The following COL17A1 variants were observed in gnomAD, a reference collection of about 807,000 sequenced individuals.
COL17A1 encodes the protein collagen alpha-1(XVII) chain.
Under a neutral mutation model 218.4 loss-of-function variants are expected in COL17A1, and 181 were observed. The observed-to-expected ratio is 0.83, with a 90% CI of 0.73 to 0.94. The LOEUF is 0.94. COL17A1 is among the 40% of genes least tolerant of loss of function. The pLI is 0.00. For synonymous variants in COL17A1, 721 were observed against 731.0 expected, an observed-to-expected ratio of 0.99 and a Z score of 0.22; for missense variants, 1,924 against 1,945.9, an observed-to-expected ratio of 0.99 and a Z score of 0.21.
At chr10:104,042,059 CG>C (rs879364809) in intron 36 of COL17A1, among the ~76,000 whole-genome samples, 1 of 152,150 alleles carries the variant, frequency 6.6e-6, no homozygotes, top group Admixed American at 6.5e-5. Context: ...GTGGGAGGCC[CG>C]GCAGTCTCCA....
rs1295957061 is a variant in COL17A1, at chr10:104,033,942, T to TA, written c.4156+2dup. 6.2e-6 allele frequency: 10 copies of TA among 1,614,058 alleles called. No homozygotes were observed. Among genetic ancestry groups the TA allele is most frequent in the South Asian group, 2.2e-5 (2 of 91,094 alleles). On this transcript the variant is annotated splice_region_variant and intron_variant, in intron 52 of 55. Transcript: ENST00000648076. The stretch of plus-strand genomic sequence containing the variant: ...GCACCAAGGCCTAAATGTCCCCACT[T>TA]ACGCTGCATGCTCTCTGACACCCTC...
At chr10:104,051,572 C>T in intron 24 of COL17A1, 56 bp from the exon 25 acceptor site, 1 of 1,608,492 alleles carries the variant, frequency 6.2e-7, no homozygotes. Flanking sequence ...GTGGGGACAT[C>T]TGGCCCCGGT....
rs976148349 is a variant in COL17A1, at chr10:104,031,665, A to C, written c.*570T>G. 1.9e-5 allele frequency: 3 copies of C among 161,506 alleles called. No individual in the cohort carries two copies. The highest frequency in any genetic ancestry group is 4.1e-5 in the Non-Finnish European group (3 of 72,652). The allele number at this position is 161,506 out of a possible 1,614,324, so 10.0% of individuals were successfully genotyped here. On this transcript the variant is annotated 3_prime_UTR_variant, in exon 56 of 56. Transcript: ENST00000648076. ...TGTGATATACATATAACCATTAGAA[A>C]CCCTATCATCACCTCCTAGAGGGGA...
At chr10:104,055,166 G>T in intron 19 of COL17A1, 159 bp from the exon 20 acceptor site, 2 of 1,462,274 alleles carry the variant, frequency 1.4e-6, no homozygotes, top group South Asian at 1.2e-5. Flanking sequence ...TGTCATTTGG[G>T]CTCATTGCTG....
rs1347194866 is a variant in COL17A1 at position 104,045,670 on chromosome 10, G to A, written c.2398+88C>T. On this transcript the variant is annotated intron_variant, in intron 33 of 55. Transcript: ENST00000648076. ...GATGCCACTGTTGATCCAGGCTCTG[G>A]CCAGAGAGAGGCCTCCTCCTGTCCA... The A allele has an allele frequency of 4.5e-6, 5 of 1,102,158 alleles. No homozygotes were observed. In the Admixed American group the frequency reaches 6.7e-5, roughly 15 times the overall value. The allele number at this position is 1,102,158 out of a possible 1,614,324, so 68.3% of individuals were successfully genotyped here.
At chr10:104,079,424 G>A (rs184555413) in intron 2 of COL17A1, among the ~76,000 whole-genome samples, 6 of 152,274 alleles carry the variant, frequency 3.9e-5, no homozygotes, top group African/African-American at 7.2e-5. Flanking sequence ...GGGCACATAC[G>A]TGTGGGGAAG....
rs200164044 is a variant in COL17A1, at chr10:104,055,880, G to T, written c.1589C>A (p.Ala530Glu). ...EKDRLQGMAP[A>E]AGADLDKIGL... ...AATTTTGTCCAGGTCTGCTCCCGCC[G>T]CGGGTGCCATGCCCTGGAGGCGGTC... Residue 530 changes from alanine to glutamate, a missense_variant, in exon 18 of 56, where the codon GCG becomes GAG. Coordinates refer to ENST00000648076, the MANE Select transcript of COL17A1 (RefSeq NM_000494.4). 5 of 1,614,056 alleles carry T rather than the reference G, an allele frequency of 3.1e-6. No homozygotes were observed. The highest frequency in any genetic ancestry group is 4.2e-6 in the Non-Finnish European group (5 of 1,180,042).
chr10:104,036,397 G>C, intron 48 of COL17A1, 95 bp downstream of exon 48: 2 of 1,539,554 alleles, frequency 1.3e-6, no homozygotes, highest in Non-Finnish European at 1.8e-6. Context: ...CTGGCAGGTG[G>C]GGGTCAGTGG....
At chr10:104,057,280 G>A in intron 16 of COL17A1, 108 bp from the exon 17 acceptor site, 1 of 1,567,844 alleles carries the variant, frequency 6.4e-7, no homozygotes, top group Non-Finnish European at 8.7e-7. Flanking sequence ...ACGACTGGGG[G>A]CTTTCAAGTT....
intron 31 of COL17A1, among the ~76,000 whole-genome samples, chr10:104,047,181 C>G (rs967913017): frequency 6.6e-6 from 1 of 152,146 alleles, no homozygotes; most frequent in African/African-American, 2.4e-5. Context: ...TGAATGCCCA[C>G]CCGCCTTGAC....
In COL17A1 at chr10:104,040,397, G is replaced by T. The variant is rs139467442; in HGVS notation, c.2715C>A (p.Ser905=). The T allele has an allele frequency of 3.1e-6, 5 of 1,609,076 alleles. No individual in the cohort carries two copies. Among genetic ancestry groups the T allele is most frequent in the Non-Finnish European group, 4.3e-6 (5 of 1,175,644 alleles). ...GGGGGCCAGGTGGGCCTGGGGGGCC[G>T]GAGAGGAAGGTTTCTGCAGAGGAAG... ...SFLSNSETFL[S]GPPGPPGPPG... Residue 905 remains serine, a synonymous_variant, in exon 40 of 56, where the codon TCC becomes TCA. Coordinates refer to ENST00000648076, the MANE Select transcript of COL17A1 (RefSeq NM_000494.4).
rs887537196 is a variant in COL17A1, at chr10:104,076,522, C to A, written c.203-93G>T. 2.3e-5 allele frequency: 37 copies of A among 1,575,770 alleles called. No individual in the cohort carries two copies. In the African/African-American group the frequency reaches 4.6e-4, roughly 20 times the overall value. ...CCCAGCTATATTAACCAAGTACACT[C>A]AGGGAGGGTCTTCGGGAGGGCACAG... On this transcript the variant is annotated intron_variant, in intron 4 of 55. Coordinates refer to ENST00000648076, the MANE Select transcript of COL17A1 (RefSeq NM_000494.4).
At position 104,061,405 on chromosome 10, in the gene COL17A1, C is replaced by T. The variant is rs886046689; in HGVS notation, c.979G>A (p.Ala327Thr). 2.0e-5 allele frequency: 32 copies of T among 1,612,976 alleles called. No homozygotes were observed. Among genetic ancestry groups the T allele is most frequent in the African/African-American group, 8.0e-5 (6 of 74,872 alleles). ...AVNTGVSTSAACTTSVQSDDL... is the reference protein window; with the variant it reads ...AVNTGVSTSATCTTSVQSDDL... The stretch of plus-strand genomic sequence containing the variant: ...CCTGGCAGCTGGGAGCAGCACTCAC[C>T]GGCGGAGGTGGAAACGCCAGTGTTC... The change falls in exon 13 of 56, where the codon GCC becomes ACC. Residue 327 changes from alanine (A) to threonine (T), a missense_variant and splice_region_variant. By Grantham distance (58) the Ala-to-Thr change is moderately conservative. Transcript: ENST00000648076.
At chr10:104,069,347 G>A (rs76170175) in intron 9 of COL17A1, among the ~76,000 whole-genome samples, 1,977 of 152,094 alleles carry the variant, frequency 0.013, 42 homozygotes, top group African/African-American at 0.045. Context: ...ATATTAATTC[G>A]GACAATGGGT....
chr10:104,050,338 C>T (rs567371953), intron 27 of COL17A1, among the ~76,000 whole-genome samples: 58 of 152,278 alleles, frequency 3.8e-4, no homozygotes, highest in African/African-American at 1.2e-3. Context: ...GACTCCCCAG[C>T]CCCTGCTGTT....
chr10:104,053,073 C>A lies in COL17A1; in HGVS notation c.1897G>T (p.Gly633Cys), dbSNP rs1367753460. 1 of 1,614,100 alleles carries A rather than the reference C, an allele frequency of 6.2e-7. No homozygotes were observed. The highest frequency in any genetic ancestry group is 1.1e-5 in the South Asian group (1 of 91,092). Residue 633 changes from glycine (G) to cysteine (C), a missense_variant, in exon 23 of 56, where the codon GGT becomes TGT. By Grantham distance (159) the Gly-to-Cys change is radical. Coordinates refer to ENST00000648076, the MANE Select transcript of COL17A1 (RefSeq NM_000494.4). Reference sequence around the variant, plus strand: ...CCAGATCCAGGAGGCCCTGCCTCACCACGAGGTCCCATGGGGCCTTCTCGC... The same window carrying A: ...CCAGATCCAGGAGGCCCTGCCTCACAACGAGGTCCCATGGGGCCTTCTCGC... ...RGREGPMGPR[G>C]EAGPPGSGEK...
At chr10:104,079,016 T>C (rs529453913) in intron 2 of COL17A1, among the ~76,000 whole-genome samples, 1 of 152,334 alleles carries the variant, frequency 6.6e-6, no homozygotes, top group South Asian at 2.1e-4. Flanking sequence ...GACTTCACTG[T>C]GTACTTCTTC....
chr10:104,038,974 G>A, intron 44 of COL17A1, 97 bp downstream of exon 44: 1 of 1,322,394 alleles, frequency 7.6e-7, no homozygotes. Flanking sequence ...AACGAATCAT[G>A]GAGAAATGAA....
At chr10:104,044,766 G>A (rs1232330568) in intron 33 of COL17A1, among the ~76,000 whole-genome samples, 4 of 151,988 alleles carry the variant, frequency 2.6e-5, no homozygotes, top group African/African-American at 7.2e-5. Flanking sequence ...TGGAAGTCAC[G>A]GGCCCTCAAA....
Sources: allele counts gnomAD v4.1 joint callset (sites outside exome capture counted in the v4.1 genomes callset), GRCh38; gene constraint gnomAD v4.1.1; transcripts MANE v1.5; gene names NCBI Gene and HGNC (gene_info 2026-07-23, HGNC 2026-07-21).